The following STK32A variants were observed in gnomAD, a reference collection of about 807,000 sequenced individuals.
STK32A encodes the protein serine/threonine-protein kinase 32A.
A neutral mutation model predicts 53.2 loss-of-function variants in STK32A; 41 were observed. The observed-to-expected ratio is 0.77, with a 90% confidence interval of 0.60 to 1.00. STK32A has a LOEUF of 1.00. Ranked by LOEUF, STK32A falls within the 50% of genes least tolerant of loss-of-function variation. STK32A has a pLI of 0.00. For missense variants in STK32A, 458 were observed against 485.8 expected, an observed-to-expected ratio of 0.94 and a Z score of 0.54; for synonymous variants, 166 against 162.8, an observed-to-expected ratio of 1.02 and a Z score of -0.15.
rs984298293 is a variant in STK32A at position 147,355,792 on chromosome 5, G to GTGTGTGTGTATA, written c.562+4639_562+4640insGTGTGTGTATAT. Among the ~76,000 whole-genome samples, 14 of 147,848 alleles carry GTGTGTGTGTATA rather than the reference G, an allele frequency of 9.5e-5. No individual in the cohort carries two copies. The East Asian group carries it at 2.7e-3, about 29-fold the overall frequency. On this transcript the variant is annotated intron_variant, in intron 7 of 12. Coordinates refer to ENST00000397936, the MANE Select transcript of STK32A (RefSeq NM_001112724.2). ...TATGTATGTGTGTGAGTGTGTGTGT[G>GTGTGTGTGTATA]TATATATATATATATATATAAATAA... is the stretch of plus-strand genomic sequence containing the variant.
chr5:147,316,768 T>C (rs1195255160), intron 4 of STK32A, among the ~76,000 whole-genome samples: 9 of 149,448 alleles, frequency 6.0e-5, no homozygotes, highest in Admixed American at 3.4e-4. Context: ...GGCTGGAGGA[T>C]TGCCTGAGCC....
chr5:147,252,521 C>A (rs967336375), intron 2 of STK32A, among the ~76,000 whole-genome samples: 2 of 152,000 alleles, frequency 1.3e-5, no homozygotes, highest in African/African-American at 4.8e-5. Flanking sequence ...GTGGTGGTAT[C>A]TGATATAAAG....
chr5:147,316,507 T>C (rs1401962707), intron 4 of STK32A, among the ~76,000 whole-genome samples: 3 of 152,146 alleles, frequency 2.0e-5, no homozygotes, highest in African/African-American at 7.2e-5. Flanking sequence ...AGAATGAACA[T>C]TATGAACTGA....
At chr5:147,392,862 CAA>C in the STK32A span, 1 of 152,228 alleles carries the variant, frequency 6.6e-6, no homozygotes, top group Non-Finnish European at 1.5e-5. Flanking sequence ...TCCCTCTGCT[CAA>C]GACTGACTTT....
rs114744985 is a variant in STK32A, at chr5:147,308,872, G to T, written c.261-15026G>T. ...CCAAAAGTAAATGCTAGTTGGTCAT[G>T]TTCTATTATCCTCTTGTGTATATTA... On this transcript the variant is annotated intron_variant, in intron 4 of 12. Transcript: ENST00000397936. Among the ~76,000 whole-genome samples, 576 of 151,184 alleles carry T rather than the reference G, an allele frequency of 3.8e-3. 6 individuals are homozygous for T. The highest frequency in any genetic ancestry group is 0.014 in the Middle Eastern group (4 of 292).
chr5:147,350,934 C>A, intron 6 of STK32A, 131 bp from the exon 7 acceptor site: 1 of 688,646 alleles, frequency 1.5e-6, no homozygotes, highest in Non-Finnish European at 2.6e-6. Flanking sequence ...AAGACCATAT[C>A]GGCCTTGAGG....
intron 2 of STK32A, among the ~76,000 whole-genome samples, chr5:147,249,746 C>T (rs1301994422): frequency 6.6e-6 from 1 of 151,572 alleles, no homozygotes; most frequent in African/African-American, 2.4e-5. Context: ...AACCTTGACT[C>T]TACTAAAAAT....
chr5:147,396,887 T>A, the STK32A span, among the ~76,000 whole-genome samples: 1 of 148,352 alleles, frequency 6.7e-6, no homozygotes, highest in Non-Finnish European at 1.5e-5. Flanking sequence ...ATATATATAG[T>A]GTGTGTATAG....
the STK32A span, chr5:147,397,529 T>C: frequency 2.1e-6 from 2 of 970,158 alleles, no homozygotes; most frequent in African/African-American, 3.3e-5. Context: ...TGTGTAGTTG[T>C]TCTTGGGGAC....
chr5:147,290,227 TG>T (rs1752536404), intron 4 of STK32A, among the ~76,000 whole-genome samples: 1 of 152,030 alleles, frequency 6.6e-6, no homozygotes, highest in South Asian at 2.1e-4. Context: ...GTGTGTGTGG[TG>T]TGTGGGTATG....
At chr5:147,310,401 T>C (rs1308893041) in intron 4 of STK32A, among the ~76,000 whole-genome samples, 16 of 152,174 alleles carry the variant, frequency 1.1e-4, no homozygotes, top group Admixed American at 1.0e-3. Context: ...GGAAATAAAT[T>C]GCCTTTCTGG....
the STK32A span, among the ~76,000 whole-genome samples, chr5:147,396,346 G>A: frequency 6.6e-6 from 1 of 152,192 alleles, no homozygotes; most frequent in Non-Finnish European, 1.5e-5. Flanking sequence ...GCTAGGCCTT[G>A]TGCCAGGCAC....
intron 2 of STK32A, among the ~76,000 whole-genome samples, chr5:147,255,754 A>T (rs1240268637): frequency 1.3e-5 from 2 of 152,220 alleles, no homozygotes; most frequent in African/African-American, 2.4e-5. Context: ...CATTAACAGC[A>T]TCTCTAGTGT....
chr5:147,357,489 T>A (rs2151996383), intron 7 of STK32A, among the ~76,000 whole-genome samples: 1 of 152,242 alleles, frequency 6.6e-6, no homozygotes, highest in African/African-American at 2.4e-5. Flanking sequence ...TTGCCTTTTA[T>A]ATATTTGGAA....
At chr5:147,248,730 G>C (rs1753858446) in intron 2 of STK32A, among the ~76,000 whole-genome samples, 1 of 152,192 alleles carries the variant, frequency 6.6e-6, no homozygotes, top group Non-Finnish European at 1.5e-5. Context: ...TTGGCACCAG[G>C]AATGGATAAA....
intron 4 of STK32A, among the ~76,000 whole-genome samples, chr5:147,312,756 G>T (rs557623246): frequency 1.3e-5 from 2 of 152,286 alleles, no homozygotes; most frequent in African/African-American, 4.8e-5. Flanking sequence ...GCTGAAATAG[G>T]CACTGACGTA....
chr5:147,305,543 A>G (rs1359984804), intron 4 of STK32A, among the ~76,000 whole-genome samples: 3 of 152,154 alleles, frequency 2.0e-5, no homozygotes, highest in African/African-American at 4.8e-5. Context: ...CAAGATCTTA[A>G]TAAGAGCCAA....
chr5:147,331,742 C>G (rs531266787), intron 5 of STK32A, among the ~76,000 whole-genome samples: 69 of 152,174 alleles, frequency 4.5e-4, no homozygotes, highest in Non-Finnish European at 8.5e-4. Context: ...ACTTTGGACA[C>G]AGAGGAACAT....
intron 2 of STK32A, among the ~76,000 whole-genome samples, chr5:147,276,084 G>C (rs17106384): frequency 0.086 from 13,059 of 152,118 alleles, 656 homozygotes; most frequent in Admixed American, 0.13. Context: ...AATAAATCCT[G>C]GTCAGCTTTT....
Sources: gnomAD v4.1 joint callset for allele counts (sites outside exome capture counted in the v4.1 genomes callset) on GRCh38, gnomAD v4.1.1 for gene constraint, MANE v1.5 for transcripts, NCBI Gene and HGNC (gene_info 2026-07-23, HGNC 2026-07-21) for gene names.